The following PAK1 variants were observed in gnomAD, a reference collection of about 807,000 sequenced individuals.
PAK1 encodes serine/threonine-protein kinase PAK 1.
In PAK1, 29 loss-of-function variants were observed where a neutral mutation model predicts 67.4. The ratio of observed to expected loss-of-function variants is 0.43; its 90% CI spans 0.32 to 0.59. The LOEUF (loss-of-function observed/expected upper bound fraction) is 0.59, where lower values mean the gene tolerates loss of function less well. Among genes scored for constraint, PAK1 ranks in the 20% least tolerant of loss-of-function variants. PAK1 has a pLI of 0.07. For missense variants in PAK1, 337 were observed against 670.7 expected (o/e 0.50, Z 5.50); for synonymous variants, 223 against 237.4 (o/e 0.94, Z 0.56).
chr11:77,489,596 G>A, the PAK1 span, among the ~76,000 whole-genome samples: 11 of 152,162 alleles, frequency 7.2e-5, no homozygotes, highest in Non-Finnish European at 1.3e-4. Context: ...TTGCAGGCGC[G>A]CGCCGCCACG....
upstream of PAK1, among the ~76,000 whole-genome samples, chr11:77,477,557 A>C: frequency 7.0e-6 from 1 of 143,648 alleles, no homozygotes; most frequent in Non-Finnish European, 1.5e-5. Flanking sequence ...ATGACAAAAC[A>C]CCATCTCTAC....
At chr11:77,514,529 C>T in the PAK1 span, among the ~76,000 whole-genome samples, 1 of 152,136 alleles carries the variant, frequency 6.6e-6, no homozygotes, top group African/African-American at 2.4e-5. Context: ...CCTGTGCTGG[C>T]GCTCTTCAGG....
intron 14 of PAK1, among the ~76,000 whole-genome samples, chr11:77,330,521 A>G (rs535283128): frequency 6.6e-6 from 1 of 152,360 alleles, no homozygotes; most frequent in African/African-American, 2.4e-5. Context: ...CGTGACAAAA[A>G]CAAGCAATGG....
intron 1 of PAK1, among the ~76,000 whole-genome samples, chr11:77,406,257 T>C (rs977644074): frequency 2.6e-5 from 4 of 152,236 alleles, no homozygotes; most frequent in African/African-American, 9.6e-5. Flanking sequence ...CTAAAAACCA[T>C]CTATTAGACA....
intron 4 of PAK1, 127 bp from the exon 5 acceptor site, chr11:77,374,492 C>G: frequency 1.5e-6 from 1 of 673,234 alleles, no homozygotes. Flanking sequence ...ATGACTGGTA[C>G]TACAGGCTAG....
chr11:77,336,302 G>C lies in PAK1; in HGVS notation c.1217-20C>G. 1 of 1,581,230 alleles carries C rather than the reference G, an allele frequency of 6.3e-7. No homozygotes were observed. Among genetic ancestry groups the C allele is most frequent in the South Asian group, 1.1e-5 (1 of 90,014 alleles). On this transcript the variant is annotated intron_variant, in intron 12 of 14. Coordinates refer to ENST00000356341, the MANE Select transcript of PAK1 (RefSeq NM_002576.5). ...AGTCAGCTAGAAAAGAAAAATAAGA[G>C]AAAGAACATACATTTAGGATATACA...
intron 1 of PAK1, among the ~76,000 whole-genome samples, chr11:77,453,960 G>A (rs556402067): frequency 5.3e-4 from 81 of 152,262 alleles, no homozygotes; most frequent in South Asian, 1.9e-3. Context: ...GCACGTGCCT[G>A]TAGCCCCAGC....
At chr11:77,386,773 TA>T (rs1439465837) in intron 2 of PAK1, among the ~76,000 whole-genome samples, 1 of 151,478 alleles carries the variant, frequency 6.6e-6, no homozygotes, top group African/African-American at 2.4e-5. Context: ...CAGTATTAAT[TA>T]ATTAATTAAT....
intron 2 of PAK1, among the ~76,000 whole-genome samples, chr11:77,391,067 T>C (rs1444253887): frequency 6.6e-6 from 1 of 152,194 alleles, no homozygotes; most frequent in African/African-American, 2.4e-5. Flanking sequence ...ATGTTCCCTA[T>C]TGGGCTAATG....
At chr11:77,355,897 C>A in intron 6 of PAK1, 55 bp from the exon 7 acceptor site, 1 of 1,133,966 alleles carries the variant, frequency 8.8e-7, no homozygotes, top group Non-Finnish European at 1.3e-6. Context: ...CATAGGGGAA[C>A]CTCTCCTAGA....
At chr11:77,479,079 C>A (rs868833459), upstream of PAK1, among the ~76,000 whole-genome samples, 11 of 143,602 alleles carry the variant, frequency 7.7e-5, no homozygotes, top group African/African-American at 3.0e-4. Flanking sequence ...AGCAAGACTC[C>A]GTCTCAAAAA....
chr11:77,432,062 A>G (rs1315289385), intron 1 of PAK1, among the ~76,000 whole-genome samples: 1 of 152,158 alleles, frequency 6.6e-6, no homozygotes, highest in Non-Finnish European at 1.5e-5. Context: ...GTGTCCTCCC[A>G]CAAGCTTAAA....
At chr11:77,443,179 C>T (rs1205489162) in intron 1 of PAK1, among the ~76,000 whole-genome samples, 9 of 151,630 alleles carry the variant, frequency 5.9e-5, no homozygotes, top group South Asian at 2.1e-4. Flanking sequence ...AAAAATTAGC[C>T]GGGTGTGGTA....
In PAK1 at chr11:77,323,038, C is replaced by A; in HGVS notation, c.*236G>T. On this transcript the variant is annotated 3_prime_UTR_variant, in exon 15 of 15. Transcript: ENST00000356341. ...CCTTAATCATAAACCACCCTCATAT[C>A]CATGAATTGGGAGGAAATTCCTTAT... 1 of 746,698 alleles carries A rather than the reference C, an allele frequency of 1.3e-6. No homozygotes were observed. Among genetic ancestry groups the A allele is most frequent in the Non-Finnish European group, 2.3e-6 (1 of 428,948 alleles). 46.3% of individuals were successfully genotyped at this position (746,698 alleles called of 1,614,324 possible).
intron 5 of PAK1, among the ~76,000 whole-genome samples, chr11:77,372,291 TATTTGATGAA>T (rs1948543546): frequency 6.6e-6 from 1 of 152,224 alleles, no homozygotes; most frequent in Non-Finnish European, 1.5e-5. Flanking sequence ...ACATCTCTTC[TATTTGATGAA>T]AGGCAGCACA....
the PAK1 span, among the ~76,000 whole-genome samples, chr11:77,500,209 C>T: frequency 2.6e-5 from 4 of 152,244 alleles, no homozygotes; most frequent in Non-Finnish European, 4.4e-5. Flanking sequence ...TGGCTCACGC[C>T]TGTAATCCCA....
At chr11:77,328,625 T>C (rs1940643468) in intron 14 of PAK1, among the ~76,000 whole-genome samples, 1 of 151,758 alleles carries the variant, frequency 6.6e-6, no homozygotes, top group Non-Finnish European at 1.5e-5. Context: ...CTGGGACACA[T>C]TCAAAGCAGT....
At chr11:77,374,469 G>A in intron 4 of PAK1, 104 bp from the exon 5 acceptor site, 1 of 740,220 alleles carries the variant, frequency 1.4e-6, no homozygotes, top group South Asian at 1.6e-5. Flanking sequence ...CAGATTCAGA[G>A]AATAGTAATA....
chr11:77,410,102 T>C (rs1954278457), intron 1 of PAK1, among the ~76,000 whole-genome samples: 1 of 152,072 alleles, frequency 6.6e-6, no homozygotes, highest in Non-Finnish European at 1.5e-5. Flanking sequence ...CTCCAACCCA[T>C]CCCTGCTATC....
Sources: gnomAD v4.1 joint callset for allele counts (sites outside exome capture counted in the v4.1 genomes callset) on GRCh38, gnomAD v4.1.1 for gene constraint, MANE v1.5 for transcripts, NCBI Gene and HGNC (gene_info 2026-07-23, HGNC 2026-07-21) for gene names.